Variants in STK10 observed in about 807,000 individuals in gnomAD.
STK10 encodes the protein serine/threonine kinase 10, also known as serine/threonine-protein kinase 10.
Under a neutral mutation model 113.8 loss-of-function variants are expected in STK10, and 78 were observed. That is an observed-to-expected ratio of 0.69 (90% CI 0.57 to 0.83). The LOEUF (loss-of-function observed/expected upper bound fraction) is 0.83. Ranked by LOEUF, STK10 falls within the 40% of genes least tolerant of loss-of-function variation. The pLI, the probability that STK10 is intolerant of heterozygous loss-of-function variation, is 0.00. For missense variants in STK10, 1,109 were observed against 1,280.1 expected, an observed-to-expected ratio of 0.87 and a Z score of 2.04; for synonymous variants, 465 against 494.7, an observed-to-expected ratio of 0.94 and a Z score of 0.80.
At chr5:172,176,490 G>T (rs577338995) in intron 1 of STK10, among the ~76,000 whole-genome samples, 1 of 152,066 alleles carries the variant, frequency 6.6e-6, no homozygotes, top group Non-Finnish European at 1.5e-5. Flanking sequence ...CACCAGGGTC[G>T]GTCACTCTGG....
At position 172,082,638 on chromosome 5, in the gene STK10, G is replaced by T; in HGVS notation, c.1810-133C>A. ...TGAATCCCAGCTCTACTACCCCGTT[G>T]CTGTGTGACCTGGGGCAAGTTACTT... On this transcript the variant is annotated intron_variant, in intron 11 of 18. Transcript: ENST00000176763. The surrounding 1 kb of genome is among the most constrained non-coding windows in gnomAD (Gnocchi z 4.3). 1.6e-6 allele frequency: 2 copies of T among 1,217,106 alleles called. No individual in the cohort carries two copies. The highest frequency in any genetic ancestry group is 2.5e-4 in the Middle Eastern group (1 of 4,010). The allele number at this position is 1,217,106 out of a possible 1,614,324, so 75.4% of individuals were successfully genotyped here.
Position 172,084,539 on chromosome 5 carries a change from C to T in STK10, c.1686-1455G>A, listed in dbSNP as rs568812457. On this transcript the variant is annotated intron_variant, in intron 10 of 18. Transcript: ENST00000176763. ...GAAAAAGGACAACAATGTCTCTGTA[C>T]ACACATATATGTATTGTTTACTTTT... is the stretch of plus-strand genomic sequence containing the variant. Among the ~76,000 whole-genome samples, 8 of 152,122 alleles carry T rather than the reference C, an allele frequency of 5.3e-5. No individual in the cohort carries two copies. The South Asian group carries it at 1.0e-3, about 20-fold the overall frequency.
At chr5:172,072,460 G>A (rs1426837897) in intron 12 of STK10, among the ~76,000 whole-genome samples, 4 of 152,072 alleles carry the variant, frequency 2.6e-5, no homozygotes, top group Admixed American at 2.6e-4. Context: ...TAGAGATGGG[G>A]TTTCACCCTG....
chr5:172,142,950 C>T (rs976409735), intron 2 of STK10, among the ~76,000 whole-genome samples: 7 of 152,202 alleles, frequency 4.6e-5, no homozygotes, highest in African/African-American at 1.7e-4. Flanking sequence ...TACTGGTCAG[C>T]ACACACATAC....
chr5:172,166,195 T>C (rs1168573588), intron 1 of STK10, among the ~76,000 whole-genome samples: 1 of 152,248 alleles, frequency 6.6e-6, no homozygotes, highest in African/African-American at 2.4e-5. Context: ...GTAGCCCATC[T>C]TGCCACTCCT....
chr5:172,056,995 G>GAAAGAAAGAAACAGAAAGAA (rs1157626941), intron 15 of STK10: 1 of 69,664 alleles, frequency 1.4e-5, no homozygotes, highest in Admixed American at 1.6e-4. Flanking sequence ...AAGAAAGAAA[G>GAAAGAAAGAAACAGAAAGAA]AGAAAGAAGG....
At chr5:172,118,878 C>CAAAAAAAAAAAAAAAAAAAA (rs3028101) in intron 3 of STK10, among the ~76,000 whole-genome samples, 1 of 71,310 alleles carries the variant, frequency 1.4e-5, no homozygotes, top group African/African-American at 5.0e-5. Flanking sequence ...GACTCAGTCT[C>CAAAAAAAAAAAAAAAAAAAA]AAAAAAAAAA....
chr5:172,154,705 C>G (rs1026963125), intron 2 of STK10, among the ~76,000 whole-genome samples: 2 of 152,216 alleles, frequency 1.3e-5, no homozygotes, highest in African/African-American at 4.8e-5. Context: ...TTTATTTAAA[C>G]AACAGCATGA....
In STK10 at chr5:172,093,918, G is replaced by A. The variant is rs1321528182; in HGVS notation, c.1048C>T (p.Pro350Ser). Reference sequence around the variant, plus strand: ...AGAGGCTTGTCAGCATTGAGGCTTGGCGGACTCACCTCAGAGGAGTTCTGA... The same window carrying A: ...AGAGGCTTGTCAGCATTGAGGCTTGACGGACTCACCTCAGAGGAGTTCTGA... The part of the protein sequence containing the change: ...HTQNSSEVSP[P>S]SLNADKPLEE... The change falls in exon 9 of 19, where the codon CCA becomes TCA. Residue 350 changes from proline to serine, a missense_variant. Physicochemically the swap from Pro to Ser is moderately conservative, Grantham distance 74. Around this residue, in one of 5 missense-constraint regions of STK10, gnomAD observed 885 missense variants for 991.1 expected, o/e 0.89. Transcript: ENST00000176763. The surrounding 1 kb of genome is among the most constrained non-coding windows in gnomAD (Gnocchi z 4.1). 1.4e-5 allele frequency: 21 copies of A among 1,528,766 alleles called. No homozygotes were observed. Among genetic ancestry groups the A allele is most frequent in the Admixed American group, 2.1e-5 (1 of 47,608 alleles). The allele number at this position is 1,528,766 out of a possible 1,614,324, so 94.7% of individuals were successfully genotyped here.
chr5:172,045,465 C>T (rs542041773), intron 18 of STK10: 41 of 453,402 alleles, frequency 9.0e-5, no homozygotes, highest in Non-Finnish European at 1.5e-4. Context: ...ACTTGGGCGA[C>T]GGTGCGAGAC....
At position 172,183,343 on chromosome 5, in the gene STK10, A is replaced by G. The variant is rs538041712; in HGVS notation, c.156+4544T>C. Among the ~76,000 whole-genome samples, 20 of 152,304 alleles carry G rather than the reference A, an allele frequency of 1.3e-4. 1 individual carries two copies. The South Asian group carries it at 4.1e-3, about 32-fold the overall frequency. Reference sequence around the variant, plus strand: ...TGCTATCACAGCAAGCACACCCGCTAAAGTCAGCTTTTCCCACTCAATCTA... The same window carrying G: ...TGCTATCACAGCAAGCACACCCGCTGAAGTCAGCTTTTCCCACTCAATCTA... On this transcript the variant is annotated intron_variant, in intron 1 of 18. Coordinates refer to ENST00000176763, the MANE Select transcript of STK10 (RefSeq NM_005990.4).
At chr5:172,099,088 A>G (rs1768922086) in intron 7 of STK10, among the ~76,000 whole-genome samples, 1 of 151,950 alleles carries the variant, frequency 6.6e-6, no homozygotes, top group Non-Finnish European at 1.5e-5. Flanking sequence ...CATCATCATC[A>G]CGACCATTAC....
rs116472560 is a variant in STK10, at chr5:172,127,362, G to C, written c.370+11C>G. On this transcript the variant is annotated intron_variant, in intron 3 of 18. Transcript: ENST00000176763. ...TGGTCCCGACAATGCACCGAATCAA[G>C]TAAGACTCACCCAGCATGATGGCGT... 1.5e-3 allele frequency: 2,405 copies of C among 1,613,804 alleles called. 43 individuals carry two copies. The African/African-American group carries it at 0.028, about 19-fold the overall frequency.
chr5:172,143,445 C>T (rs1388316552), intron 2 of STK10, among the ~76,000 whole-genome samples: 1 of 152,222 alleles, frequency 6.6e-6, no homozygotes, highest in Non-Finnish European at 1.5e-5. Context: ...GCAGTGACCA[C>T]ACCGTGCTCT....
intron 12 of STK10, among the ~76,000 whole-genome samples, chr5:172,069,281 C>T (rs1768131087): frequency 6.6e-6 from 1 of 151,860 alleles, no homozygotes; most frequent in Non-Finnish European, 1.5e-5. Flanking sequence ...CAACTATATG[C>T]TGTCAACAAG....
rs527588920 is a variant in STK10, at chr5:172,055,603, A to T, written c.2511T>A (p.Arg837=). ...INGGGSAAEQ[R]EKIKQFSQQE... is the part of the protein sequence containing the mutation. Reference sequence around the variant, plus strand: ...CGGCCCCCACCTGCTTGATCTTCTCACGCTGCTCAGCTGCGCTGCCCCCGC... The same window carrying T: ...CGGCCCCCACCTGCTTGATCTTCTCTCGCTGCTCAGCTGCGCTGCCCCCGC... The change falls in exon 16 of 19, where the codon CGT becomes CGA. Residue 837 remains arginine (R), a synonymous_variant. Coordinates refer to ENST00000176763, the MANE Select transcript of STK10 (RefSeq NM_005990.4). The T allele has an allele frequency of 3.9e-5, 59 of 1,515,352 alleles. 2 individuals are homozygous for T. In the South Asian group the frequency reaches 7.6e-4, roughly 19 times the overall value. 93.9% of individuals were successfully genotyped at this position (1,515,352 alleles called of 1,614,324 possible). A position where few individuals can be genotyped will look rare whatever the true frequency, so the allele number is the denominator to read the frequency against.
At chr5:172,114,475 T>TATATATATATATATATA (rs145162287) in intron 4 of STK10, 1 of 18,036 alleles carries the variant, frequency 5.5e-5, no homozygotes, top group Non-Finnish European at 8.9e-5. Context: ...ATATATATAT[T>TATATATATATATATATA]TTTTTTTTTT....
intron 2 of STK10, among the ~76,000 whole-genome samples, chr5:172,139,063 C>T (rs760047992): frequency 6.6e-6 from 1 of 152,138 alleles, no homozygotes; most frequent in Non-Finnish European, 1.5e-5. Flanking sequence ...AAATGGAAGA[C>T]ATCCCAGCTT....
At chr5:172,119,397 C>T (rs1220169596) in intron 3 of STK10, among the ~76,000 whole-genome samples, 2 of 152,032 alleles carry the variant, frequency 1.3e-5, no homozygotes, top group African/African-American at 4.8e-5. Context: ...GTGGGCCAGA[C>T]ACAGTCTGAT....
Sources: allele counts gnomAD v4.1 joint callset (sites outside exome capture counted in the v4.1 genomes callset), GRCh38; gene constraint gnomAD v4.1.1; regional missense constraint gnomAD v4.1.1; non-coding constraint Gnocchi (gnomAD v3.1); transcripts MANE v1.5; gene names NCBI Gene and HGNC (gene_info 2026-07-23, HGNC 2026-07-21).